Variants in KDM4C observed in about 807,000 individuals in gnomAD.
KDM4C encodes the protein lysine demethylase 4C.
A neutral mutation model predicts 129.3 loss-of-function variants in KDM4C; 81 were observed. The ratio of observed to expected loss-of-function variants is 0.63; its 90% CI spans 0.52 to 0.75. KDM4C has a LOEUF of 0.75. KDM4C is among the 30% of genes least tolerant of loss of function. The pLI, the probability that KDM4C is intolerant of heterozygous loss-of-function variation, is 0.00. For synonymous variants in KDM4C, 573 were observed against 456.1 expected, an observed-to-expected ratio of 1.26 and a Z score of -3.26; for missense variants, 1,457 against 1,304.0, an observed-to-expected ratio of 1.12 and a Z score of -1.81.
At position 6,964,706 on chromosome 9, in the gene KDM4C, C is replaced by T. The variant is rs186386978; in HGVS notation, c.922-16219C>T. ...CTGAGGCAGGAGAATGGCGTGAACCCGGGAGGTGGAGCTTGCAGTGAGCCG... is the reference window on the plus strand; with the variant it reads ...CTGAGGCAGGAGAATGGCGTGAACCTGGGAGGTGGAGCTTGCAGTGAGCCG... On this transcript the variant is annotated intron_variant, in intron 8 of 21. Coordinates refer to ENST00000381309, the MANE Select transcript of KDM4C (RefSeq NM_015061.6). Among the ~76,000 whole-genome samples the T allele has an allele frequency of 3.4e-3, 471 of 140,490 alleles. 6 individuals are homozygous for T. Among genetic ancestry groups the T allele is most frequent in the African/African-American group, 0.012 (450 of 37,842 alleles). The allele number at this position is 140,490 out of a possible 152,430, so 92.2% of individuals were successfully genotyped here. A position where few individuals can be genotyped will look rare whatever the true frequency, so the allele number is the denominator to read the frequency against.
chr9:6,979,113 T>C (rs940168844), intron 8 of KDM4C, among the ~76,000 whole-genome samples: 22 of 152,230 alleles, frequency 1.4e-4, no homozygotes, highest in Non-Finnish European at 1.3e-4. Context: ...GCAATATTAG[T>C]AACACTTTAA....
rs2130554858 is a variant in KDM4C at position 7,174,561 on chromosome 9, C to G, written c.3003C>G (p.Ala1001=). 6.2e-7 allele frequency: 1 copy of G among 1,614,108 alleles called. No homozygotes were observed. The highest frequency in any genetic ancestry group is 8.5e-7 in the Non-Finnish European group (1 of 1,179,968). The change falls in exon 22 of 22, where the codon GCC becomes GCG. Residue 1001 remains alanine (A), a synonymous_variant. Coordinates refer to ENST00000381309, the MANE Select transcript of KDM4C (RefSeq NM_015061.6). ...PKRVKARFST[A]SDMRFEDTFY... ...ACACCAGCTGCTTTTAGTCCACAGC[C>G]TCTGACATGCGATTTGAAGACACGT...
At chr9:7,147,883 G>A (rs549934682) in intron 19 of KDM4C, among the ~76,000 whole-genome samples, 264 of 152,316 alleles carry the variant, frequency 1.7e-3, no homozygotes, top group African/African-American at 6.1e-3. Flanking sequence ...GGCTGGTGGC[G>A]CCTCTGCTTG....
intron 15 of KDM4C, among the ~76,000 whole-genome samples, chr9:7,046,266 G>A (rs1829375199): frequency 6.6e-6 from 1 of 151,938 alleles, no homozygotes. Context: ...AAAGCAAAAC[G>A]TTTCTTGGTG....
rs1837385481 is a variant in KDM4C at position 7,103,870 on chromosome 9, G to C, written c.2610G>C (p.Val870=). The C allele has an allele frequency of 1.9e-6, 3 of 1,613,190 alleles. No individual in the cohort carries two copies. In the African/African-American group the frequency reaches 4.0e-5, roughly 22 times the overall value. Residue 870 remains valine, a splice_region_variant and synonymous_variant, in exon 18 of 22, where the codon GTG becomes GTC. Coordinates refer to ENST00000381309, the MANE Select transcript of KDM4C (RefSeq NM_015061.6). ...TTCGACATAAGGTCAACCCCAACGTGGTAAGATGTGCCCTCCCTTCCTCAG... is the reference window on the plus strand; with the variant it reads ...TTCGACATAAGGTCAACCCCAACGTCGTAAGATGTGCCCTCCCTTCCTCAG... ...TCFRHKVNPN[V]KSKACEKVIS... is the part of the protein sequence containing the mutation.
At chr9:6,835,285 T>G in intron 4 of KDM4C, 1 of 909,088 alleles carries the variant, frequency 1.1e-6, no homozygotes, top group Non-Finnish European at 1.9e-6. Flanking sequence ...TGAAACTACC[T>G]TGAACTCCAT....
chr9:7,119,573 A>C (rs1227577133), intron 18 of KDM4C, among the ~76,000 whole-genome samples: 3 of 152,152 alleles, frequency 2.0e-5, no homozygotes, highest in Non-Finnish European at 2.9e-5. Context: ...ATTAGTATTT[A>C]ATGCATTATT....
intron 1 of KDM4C, chr9:6,723,728 G>A (rs1817034594): frequency 6.6e-6 from 1 of 151,994 alleles, no homozygotes; most frequent in Admixed American, 6.6e-5. Context: ...CGAAGGAAAG[G>A]ACTGCATGTT....
intron 4 of KDM4C, among the ~76,000 whole-genome samples, chr9:6,839,465 C>G (rs925313223): frequency 3.1e-4 from 46 of 146,088 alleles, no homozygotes; most frequent in African/African-American, 1.1e-3. Context: ...GTTTTAAAGT[C>G]TCAGACTCAA....
At chr9:6,836,875 A>T (rs1051256336) in intron 4 of KDM4C, among the ~76,000 whole-genome samples, 47 of 149,020 alleles carry the variant, frequency 3.2e-4, no homozygotes, top group Admixed American at 1.1e-3. Flanking sequence ...CTTTTTTTTT[A>T]AAAATAAATA....
chr9:6,808,203 C>T (rs1355728429), intron 3 of KDM4C, among the ~76,000 whole-genome samples: 1 of 70,836 alleles, frequency 1.4e-5, no homozygotes, highest in Non-Finnish European at 2.6e-5. Context: ...TGCCCAACAG[C>T]TCATTGAGAA....
chr9:7,149,975 T>A (rs928982442), intron 19 of KDM4C, among the ~76,000 whole-genome samples: 1 of 152,198 alleles, frequency 6.6e-6, no homozygotes, highest in Admixed American at 6.5e-5. Context: ...CTATTTTGGC[T>A]CCTGGTATGG....
intron 4 of KDM4C, among the ~76,000 whole-genome samples, chr9:6,848,092 C>A (rs907270662): frequency 6.6e-6 from 1 of 151,842 alleles, no homozygotes; most frequent in African/African-American, 2.4e-5. Flanking sequence ...TGGGGTCTTG[C>A]CATGTTTCCC....
intron 19 of KDM4C, among the ~76,000 whole-genome samples, chr9:7,135,506 A>G (rs1841102691): frequency 6.6e-6 from 1 of 152,180 alleles, no homozygotes; most frequent in Admixed American, 6.5e-5. Flanking sequence ...AGTGCTGAAT[A>G]TTCATGGGTG....
Position 7,068,680 on chromosome 9 carries a change from C to A in KDM4C, c.2424+19480C>A, listed in dbSNP as rs1832764996. The stretch of plus-strand genomic sequence containing the variant: ...GTCTATTTCATACATGTTTATGATG[C>A]CCTTTCTTTTTTTTTTTTTTTTTTT... On this transcript the variant is annotated intron_variant, in intron 17 of 21. Transcript: ENST00000381309. Among the ~76,000 whole-genome samples the A allele has an allele frequency of 1.5e-5, 2 of 129,828 alleles. 1 individual carries two copies. Among genetic ancestry groups the A allele is most frequent in the South Asian group, 4.8e-4 (2 of 4,166 alleles). The allele number at this position is 129,828 out of a possible 152,430, so 85.2% of individuals were successfully genotyped here.
At chr9:6,958,304 G>T (rs1289057971) in intron 8 of KDM4C, among the ~76,000 whole-genome samples, 1 of 152,108 alleles carries the variant, frequency 6.6e-6, no homozygotes, top group Non-Finnish European at 1.5e-5. Flanking sequence ...ATCACATTGA[G>T]GCCGGTGCGG....
At chr9:7,171,512 G>A (rs1055064271) in intron 21 of KDM4C, among the ~76,000 whole-genome samples, 2 of 151,986 alleles carry the variant, frequency 1.3e-5, no homozygotes, top group Non-Finnish European at 2.9e-5. Context: ...TCCTTTTTCA[G>A]CACCTAGAGA....
chr9:6,988,837 A>G (rs1818216460), intron 11 of KDM4C, among the ~76,000 whole-genome samples: 1 of 151,436 alleles, frequency 6.6e-6, no homozygotes, highest in Non-Finnish European at 1.5e-5. Context: ...CTCAAGTATC[A>G]CTGTATCAGA....
intron 1 of KDM4C, among the ~76,000 whole-genome samples, chr9:6,785,590 G>A (rs1825317732): frequency 6.6e-6 from 1 of 152,156 alleles, no homozygotes; most frequent in African/African-American, 2.4e-5. Flanking sequence ...GCCCACCTTG[G>A]CCTCCCAAAG....
Sources: gnomAD v4.1 joint callset for allele counts (sites outside exome capture counted in the v4.1 genomes callset) on GRCh38, gnomAD v4.1.1 for gene constraint, MANE v1.5 for transcripts, NCBI Gene and HGNC (gene_info 2026-07-23, HGNC 2026-07-21) for gene names.